DPH6: variants seen among roughly 807,000 people sequenced by gnomAD.
DPH6 encodes the protein diphthamine biosynthesis 6.
Under a neutral mutation model 38.2 loss-of-function variants are expected in DPH6, and 33 were observed. The ratio of observed to expected loss-of-function variants is 0.86; its 90% CI spans 0.65 to 1.15. DPH6 has a LOEUF of 1.15. Among genes scored for constraint, DPH6 ranks in the 50% most tolerant of loss-of-function variants. The pLI is 0.00. For missense variants in DPH6, 325 were observed against 320.0 expected, an observed-to-expected ratio of 1.02 and a Z score of -0.12; for synonymous variants, 108 against 103.0, an observed-to-expected ratio of 1.05 and a Z score of -0.30.
intron 6 of DPH6, among the ~76,000 whole-genome samples, chr15:35,383,933 T>C (rs1186428699): frequency 6.6e-6 from 1 of 152,222 alleles, no homozygotes; most frequent in Non-Finnish European, 1.5e-5. Context: ...GCAGAATCTT[T>C]GTAGCACAAA....
chr15:35,264,399 T>C (rs1029571360), intron 3 of DPH6, among the ~76,000 whole-genome samples: 1 of 152,334 alleles, frequency 6.6e-6, no homozygotes, highest in African/African-American at 2.4e-5. Context: ...TTATAGTCTC[T>C]ACGCTGATTT....
intron 3 of DPH6, chr15:35,237,853 G>A (rs1055999495): frequency 5.9e-6 from 9 of 1,529,092 alleles, no homozygotes; most frequent in Non-Finnish European, 7.2e-6. Context: ...ATGAGGATGA[G>A]GAGGAGTATG....
At chr15:35,326,396 T>A (rs1302702707), downstream of DPH6, among the ~76,000 whole-genome samples, 2 of 152,204 alleles carry the variant, frequency 1.3e-5, no homozygotes, top group African/African-American at 4.8e-5. Context: ...TTACTTTTAG[T>A]TTCTTTTAAA....
intron 3 of DPH6, among the ~76,000 whole-genome samples, chr15:35,532,621 C>T (rs1372352554): frequency 6.6e-6 from 1 of 152,086 alleles, no homozygotes; most frequent in Non-Finnish European, 1.5e-5. Context: ...AGGAAGATAA[C>T]AAACAAGTTT....
At chr15:35,367,994 T>G (rs536153211), downstream of DPH6, among the ~76,000 whole-genome samples, 1 of 151,940 alleles carries the variant, frequency 6.6e-6, no homozygotes, top group Non-Finnish European at 1.5e-5. Context: ...TTAGAACTAA[T>G]AGCTGTTACA....
chr15:35,506,660 C>T (rs1217012432), intron 3 of DPH6, among the ~76,000 whole-genome samples: 1 of 152,116 alleles, frequency 6.6e-6, no homozygotes, highest in Non-Finnish European at 1.5e-5. Flanking sequence ...TCACATAGGG[C>T]CTTACAATGA....
Position 35,522,410 on chromosome 15 carries a change from C to A in DPH6, c.312+15864G>T, listed in dbSNP as rs2054935735. ...CTTATTCAGTATTAATACAACAGGACTGCAAGTGAATGAAAATAACTCAAT... is the reference window on the plus strand; with the variant it reads ...CTTATTCAGTATTAATACAACAGGAATGCAAGTGAATGAAAATAACTCAAT... On this transcript the variant is annotated intron_variant, in intron 3 of 8. Transcript: ENST00000256538. The A allele has an allele frequency of 7.5e-6, 6 of 805,026 alleles. No homozygotes were observed. In the Admixed American group the frequency reaches 1.7e-4, roughly 22 times the overall value. The allele number at this position is 805,026 out of a possible 1,614,324, so 49.9% of individuals were successfully genotyped here.
At chr15:35,484,086 C>A (rs1213841783) in intron 3 of DPH6, among the ~76,000 whole-genome samples, 1 of 152,112 alleles carries the variant, frequency 6.6e-6, no homozygotes, top group Non-Finnish European at 1.5e-5. Flanking sequence ...CATGATGGCA[C>A]AACTCTAAAA....
At chr15:35,230,417 G>A (rs2051509271) in intron 3 of DPH6, among the ~76,000 whole-genome samples, 1 of 152,176 alleles carries the variant, frequency 6.6e-6, no homozygotes, top group African/African-American at 2.4e-5. Context: ...CCTCTCAGGG[G>A]AGTGGGCTCC....
At chr15:35,155,177 CT>C in the DPH6 span, among the ~76,000 whole-genome samples, 18 of 152,256 alleles carry the variant, frequency 1.2e-4, no homozygotes, top group African/African-American at 4.3e-4. Flanking sequence ...ATTGCCCGAT[CT>C]TTTTTGCATC....
At chr15:35,408,810 T>G (rs1372005238) in intron 6 of DPH6, among the ~76,000 whole-genome samples, 1 of 151,950 alleles carries the variant, frequency 6.6e-6, no homozygotes, top group Non-Finnish European at 1.5e-5. Context: ...AGAGGCAGAA[T>G]GAGAAGACAG....
At chr15:35,270,765 C>T (rs958361652) in intron 3 of DPH6, among the ~76,000 whole-genome samples, 3 of 152,172 alleles carry the variant, frequency 2.0e-5, no homozygotes, top group East Asian at 3.9e-4. Context: ...ATTTTTATTA[C>T]GGTTACATTC....
the DPH6 span, among the ~76,000 whole-genome samples, chr15:35,202,933 C>A: frequency 6.6e-6 from 1 of 151,628 alleles, no homozygotes; most frequent in Non-Finnish European, 1.5e-5. Context: ...CGCTAATATA[C>A]CTGAGCACTT....
chr15:35,429,970 G>C (rs1410270545), intron 5 of DPH6, among the ~76,000 whole-genome samples: 1 of 152,124 alleles, frequency 6.6e-6, no homozygotes, highest in East Asian at 1.9e-4. Context: ...AATCCAGTCT[G>C]TGGGGGAAAA....
chr15:35,232,061 C>T (rs963364561), intron 3 of DPH6, among the ~76,000 whole-genome samples: 16 of 152,058 alleles, frequency 1.1e-4, no homozygotes, highest in African/African-American at 3.9e-4. Flanking sequence ...TGGGAGTGAA[C>T]TGGAAAGACA....
At chr15:35,307,770 T>G (rs2052105171) in intron 3 of DPH6, among the ~76,000 whole-genome samples, 1 of 152,114 alleles carries the variant, frequency 6.6e-6, no homozygotes, top group Admixed American at 6.5e-5. Context: ...TGTATATATA[T>G]GCATATATAC....
intron 3 of DPH6, among the ~76,000 whole-genome samples, chr15:35,309,329 T>A: frequency 6.6e-6 from 1 of 152,206 alleles, no homozygotes; most frequent in East Asian, 1.9e-4. Flanking sequence ...AAGTAGGTCA[T>A]TAAGAAAGAG....
chr15:35,537,405 C>A (rs771896972), intron 3 of DPH6, among the ~76,000 whole-genome samples: 3 of 152,006 alleles, frequency 2.0e-5, no homozygotes, highest in Admixed American at 6.6e-5. Context: ...TTATATGAAT[C>A]GATTGTAACG....
At chr15:35,316,064 T>A (rs1223857319) in intron 3 of DPH6, among the ~76,000 whole-genome samples, 1 of 152,152 alleles carries the variant, frequency 6.6e-6, no homozygotes, top group Non-Finnish European at 1.5e-5. Flanking sequence ...ACTATGAAGA[T>A]AAATTGATTA....
Sources: allele counts gnomAD v4.1 joint callset (sites outside exome capture counted in the v4.1 genomes callset), GRCh38; gene constraint gnomAD v4.1.1; transcripts MANE v1.5; gene names NCBI Gene and HGNC (gene_info 2026-07-23, HGNC 2026-07-21).